IQCM: variants seen among roughly 807,000 people sequenced by gnomAD.
The protein encoded by IQCM is IQ domain-containing protein M.
IQCM carries 45 observed loss-of-function variants against 57.6 expected under a neutral mutation model. The observed-to-expected ratio is 0.78, with a 90% CI of 0.62 to 1.00. IQCM has a LOEUF of 1.00. IQCM is among the 50% of genes least tolerant of loss of function. The pLI is 0.00. For synonymous variants in IQCM, 148 were observed against 158.9 expected, an observed-to-expected ratio of 0.93 and a Z score of 0.51; for missense variants, 468 against 511.6, an observed-to-expected ratio of 0.91 and a Z score of 0.82.
chr4:149,781,078 A>G, intron 2 of IQCM, among the ~76,000 whole-genome samples: 1 of 152,158 alleles, frequency 6.6e-6, no homozygotes, highest in East Asian at 1.9e-4. Context: ...AGTGAGAGAG[A>G]GAGAAAGGAT....
At chr4:149,368,867 C>CGT (rs1730086357) in intron 13 of IQCM, among the ~76,000 whole-genome samples, 1 of 49,124 alleles carries the variant, frequency 2.0e-5, no homozygotes, top group Non-Finnish European at 4.1e-5. Context: ...TATATATATA[C>CGT]ATATATACAC....
At chr4:149,610,143 A>G (rs887546415) in intron 8 of IQCM, among the ~76,000 whole-genome samples, 6 of 151,768 alleles carry the variant, frequency 4.0e-5, no homozygotes, top group African/African-American at 1.4e-4. Flanking sequence ...AGCCACAAAT[A>G]AAAACACCTA....
Position 149,545,964 on chromosome 4 carries a change from C to T in IQCM, c.1228+2491G>A, listed in dbSNP as rs548060384. On this transcript the variant is annotated intron_variant, in intron 12 of 13. Transcript: ENST00000636793. ...GGTATATCTCCTAATGCTATTCCTC[C>T]CCACTCCCCCGACCCCACGACAGGC... Among the ~76,000 whole-genome samples, 525 of 152,178 alleles carry T rather than the reference C, an allele frequency of 3.4e-3. 8 individuals carry two copies. The highest frequency in any genetic ancestry group is 0.011 in the African/African-American group (465 of 41,522).
At chr4:149,704,979 C>T (rs954960730) in intron 5 of IQCM, among the ~76,000 whole-genome samples, 7 of 151,712 alleles carry the variant, frequency 4.6e-5, no homozygotes, top group African/African-American at 9.7e-5. Context: ...AGCCTTTGGA[C>T]TCTGACTCCA....
Position 149,631,971 on chromosome 4 carries a change from G to T in IQCM, c.566-10727C>A, listed in dbSNP as rs999870831. ...TTTTGGCTCAAACTCTACCCAGTTTGGTTTCTACACCACATAGAAATAATC... is the reference window on the plus strand; with the variant it reads ...TTTTGGCTCAAACTCTACCCAGTTTTGTTTCTACACCACATAGAAATAATC... On this transcript the variant is annotated intron_variant, in intron 7 of 13. Transcript: ENST00000636793. Among the ~76,000 whole-genome samples the T allele has an allele frequency of 1.1e-4, 16 of 152,132 alleles. 1 individual carries two copies. The highest frequency in any genetic ancestry group is 9.8e-4 in the Admixed American group (15 of 15,270).
chr4:149,579,779 T>C (rs920917642), intron 9 of IQCM, among the ~76,000 whole-genome samples: 1 of 151,782 alleles, frequency 6.6e-6, no homozygotes, highest in Non-Finnish European at 1.5e-5. Context: ...ATGAGGGAGT[T>C]TGGAGATGGT....
Position 149,802,533 on chromosome 4 carries a change from G to A in IQCM, c.-49+12778C>T, listed in dbSNP as rs537455352. On this transcript the variant is annotated intron_variant, in intron 2 of 13. Transcript: ENST00000636793. Reference sequence around the variant, plus strand: ...AACAACTTGTATTGGCCCACTTTTTGCTCCCTTTGCCCTTGAAAACCTGCT... The same window carrying A: ...AACAACTTGTATTGGCCCACTTTTTACTCCCTTTGCCCTTGAAAACCTGCT... 2.6e-5 allele frequency among the ~76,000 whole-genome samples: 4 copies of A among 151,924 alleles called. 1 individual carries two copies. The South Asian group carries it at 8.3e-4, about 32-fold the overall frequency.
chr4:149,390,316 T>G (rs1731756993), intron 13 of IQCM, among the ~76,000 whole-genome samples: 1 of 152,042 alleles, frequency 6.6e-6, no homozygotes, highest in Non-Finnish European at 1.5e-5. Context: ...CCTTGTATCC[T>G]GGCTGAATTC....
chr4:149,626,227 A>G (rs1579754830), intron 7 of IQCM, among the ~76,000 whole-genome samples: 2 of 151,952 alleles, frequency 1.3e-5, no homozygotes, highest in East Asian at 3.9e-4. Context: ...CTAGCCTCCC[A>G]GCCTACATCT....
intron 5 of IQCM, among the ~76,000 whole-genome samples, chr4:149,700,110 G>A (rs1454695955): frequency 6.6e-6 from 1 of 152,024 alleles, no homozygotes; most frequent in Non-Finnish European, 1.5e-5. Flanking sequence ...GATGCTCTGA[G>A]CAATCACAAT....
At chr4:149,668,901 G>A (rs537535402) in intron 7 of IQCM, among the ~76,000 whole-genome samples, 3 of 152,194 alleles carry the variant, frequency 2.0e-5, no homozygotes, top group African/African-American at 7.2e-5. Flanking sequence ...GAGGAGAAAG[G>A]GGTGAAAAGT....
intron 7 of IQCM, among the ~76,000 whole-genome samples, chr4:149,644,261 A>G (rs1055663706): frequency 2.6e-5 from 4 of 152,196 alleles, no homozygotes; most frequent in Admixed American, 6.6e-5. Context: ...AGCAGAAACA[A>G]TATAGATGCT....
intron 8 of IQCM, among the ~76,000 whole-genome samples, chr4:149,600,010 C>A (rs1754131288): frequency 1.3e-5 from 2 of 152,004 alleles, no homozygotes; most frequent in African/African-American, 4.8e-5. Context: ...GAACATGATT[C>A]CCACCTTTGG....
At chr4:149,454,393 T>A (rs1410242281) in intron 12 of IQCM, among the ~76,000 whole-genome samples, 3 of 151,776 alleles carry the variant, frequency 2.0e-5, no homozygotes, top group Non-Finnish European at 2.9e-5. Context: ...TGCATGTTGC[T>A]ACTTGTAAGT....
In IQCM at chr4:149,563,743, T is replaced by A. The variant is rs944763757; in HGVS notation, c.897A>T (p.Ala299=). The A allele has an allele frequency of 1.6e-6, 2 of 1,232,102 alleles. No individual in the cohort carries two copies. The highest frequency in any genetic ancestry group is 3.1e-5 in the African/African-American group (2 of 64,520). 76.3% of individuals were successfully genotyped at this position (1,232,102 alleles called of 1,614,324 possible). The part of the protein sequence containing the change: ...KLIRMVTVMQ[A]HVRGWLERKR... ...TCCGTTCAAGCCATCCCCTGACATG[T>A]GCCTGCATGACGGTGACCATTCTAA... Residue 299 remains alanine, a synonymous_variant, in exon 10 of 14, where the codon GCA becomes GCT. Coordinates refer to ENST00000636793, the MANE Select transcript of IQCM (RefSeq NM_001363507.2).
At chr4:149,442,947 CACACACAGAGAGAGAG>C (rs1401178015) in intron 12 of IQCM, among the ~76,000 whole-genome samples, 4 of 52,510 alleles carry the variant, frequency 7.6e-5, no homozygotes, top group Admixed American at 5.6e-4. Context: ...CACACACACA[CACACACAGAGAGAGAG>C]AGAGAGAGAG....
At chr4:149,658,608 T>G (rs1759855768) in intron 7 of IQCM, among the ~76,000 whole-genome samples, 1 of 152,126 alleles carries the variant, frequency 6.6e-6, no homozygotes, top group Non-Finnish European at 1.5e-5. Context: ...TTCCAATTCA[T>G]GAACATGGGA....
chr4:149,565,110 G>A (rs1750489446), intron 9 of IQCM, among the ~76,000 whole-genome samples: 1 of 151,974 alleles, frequency 6.6e-6, no homozygotes, highest in Admixed American at 6.6e-5. Context: ...TCTCACAAAT[G>A]GAGTTCCACT....
chr4:149,708,476 C>T (rs778946655), intron 5 of IQCM, among the ~76,000 whole-genome samples: 20 of 151,586 alleles, frequency 1.3e-4, no homozygotes, highest in Non-Finnish European at 2.1e-4. Flanking sequence ...AATAAAAAAT[C>T]TTACATGCTG....
Sources: allele counts gnomAD v4.1 joint callset (sites outside exome capture counted in the v4.1 genomes callset), GRCh38; gene constraint gnomAD v4.1.1; transcripts MANE v1.5; gene names NCBI Gene and HGNC (gene_info 2026-07-23, HGNC 2026-07-21).